Variants in NOTCH3 observed in about 807,000 individuals in gnomAD.
NOTCH3 encodes the protein neurogenic locus notch homolog protein 3.
A neutral mutation model predicts 213.3 loss-of-function variants in NOTCH3; 86 were observed. The ratio of observed to expected loss-of-function variants is 0.40; its 90% CI spans 0.34 to 0.48. The LOEUF (loss-of-function observed/expected upper bound fraction) is 0.48, where lower values mean the gene tolerates loss of function less well. NOTCH3 is among the 20% of genes least tolerant of loss of function. The pLI, the probability that NOTCH3 is intolerant of heterozygous loss-of-function variation, is 0.57. For missense variants in NOTCH3, 2,783 were observed against 3,272.6 expected (o/e 0.85, Z 3.65); for synonymous variants, 1,354 against 1,355.9 (o/e 1.00, Z 0.03).
Position 15,179,742 on chromosome 19 carries a change from C to T in NOTCH3, c.3328-246G>A, listed in dbSNP as rs558394287. The T allele has an allele frequency of 5.6e-5, 33 of 590,816 alleles. No homozygotes were observed. In the East Asian group the frequency reaches 8.4e-4, roughly 15 times the overall value. The allele number at this position is 590,816 out of a possible 1,614,324, so 36.6% of individuals were successfully genotyped here. On this transcript the variant is annotated intron_variant, in intron 20 of 32. Transcript: ENST00000263388. ...ATGAAAAATACAAAAATTAGCTGGG[C>T]GTGGTGGTGGGTGCCTGTACTCCCA... is the stretch of plus-strand genomic sequence containing the variant.
At chr19:15,195,412 G>T (rs1382616670) in intron 2 of NOTCH3, among the ~76,000 whole-genome samples, 1 of 152,068 alleles carries the variant, frequency 6.6e-6, no homozygotes, top group Non-Finnish European at 1.5e-5. Flanking sequence ...GGGGCTTAGA[G>T]AAGCCAGAGA....
chr19:15,195,278 G>C (rs140951459), intron 2 of NOTCH3, among the ~76,000 whole-genome samples: 2 of 152,146 alleles, frequency 1.3e-5, no homozygotes, highest in African/African-American at 2.4e-5. Flanking sequence ...CCTCATCTTG[G>C]GGGGGTGGTC....
chr19:15,196,756 G>A (rs1038817708), intron 2 of NOTCH3, among the ~76,000 whole-genome samples: 3 of 152,056 alleles, frequency 2.0e-5, no homozygotes, highest in African/African-American at 7.2e-5. Context: ...GTGCATACAG[G>A]AGTTATTATT....
At chr19:15,190,943 A>G (rs571875170) in intron 6 of NOTCH3, among the ~76,000 whole-genome samples, 2 of 152,224 alleles carry the variant, frequency 1.3e-5, no homozygotes, top group South Asian at 4.1e-4. Context: ...CTGGTCTCAA[A>G]GTCCTGGGCC....
chr19:15,170,141 C>A lies in NOTCH3; in HGVS notation c.5144G>T (p.Gly1715Val). 1 of 1,605,346 alleles carries A rather than the reference C, an allele frequency of 6.2e-7. No homozygotes were observed. Among genetic ancestry groups the A allele is most frequent in the East Asian group, 2.2e-5 (1 of 44,622 alleles). The change falls in exon 28 of 33, where the codon GGG becomes GTG. Residue 1715 changes from glycine to valine, a missense_variant. Gly to Val is a moderately radical substitution (Grantham distance 109, BLOSUM62 -3). Coordinates refer to ENST00000263388, the MANE Select transcript of NOTCH3 (RefSeq NM_000435.3). ...GTCCATCCAGTCTGTGGCCACCTCC[C>A]CCATCAGGCTCTCACCCTTGGCCAT... ...KNMAKGESLM[G>V]EVATDWMDTE...
chr19:15,191,478 T>C lies in NOTCH3; in HGVS notation c.982A>G (p.Thr328Ala). The C allele has an allele frequency of 1.2e-6, 2 of 1,612,046 alleles. No homozygotes were observed. The highest frequency in any genetic ancestry group is 1.1e-5 in the South Asian group (1 of 91,048). Residue 328 changes from threonine to alanine, a missense_variant, in exon 6 of 33, where the codon ACC becomes GCC. Thr to Ala is a moderately conservative substitution (Grantham distance 58). Coordinates refer to ENST00000263388, the MANE Select transcript of NOTCH3 (RefSeq NM_000435.3). ...CATAVCFHGA[T>A]CHDRVASFYC... ...AAAGAAGCCACGCGGTCATGGCAGG[T>C]GGCCCCATGGAAGCACACGGCTGTG...
chr19:15,160,568 T>A lies in NOTCH3; in HGVS notation c.*94A>T. 1 of 1,034,776 alleles carries A rather than the reference T, an allele frequency of 9.7e-7. No individual in the cohort carries two copies. The highest frequency in any genetic ancestry group is 1.5e-6 in the Non-Finnish European group (1 of 653,330). 64.1% of individuals were successfully genotyped at this position (1,034,776 alleles called of 1,614,324 possible). A position where few individuals can be genotyped will look rare whatever the true frequency, so the allele number is the denominator to read the frequency against. On this transcript the variant is annotated 3_prime_UTR_variant, in exon 33 of 33. Transcript: ENST00000263388. ...GAGGGTTGGTGGAAAGAGAAGAGGA[T>A]GAAAAAGACTAAAAGGAAGGAAGAG...
At chr19:15,177,259 A>AT (rs1293611499) in intron 24 of NOTCH3, among the ~76,000 whole-genome samples, 4 of 152,006 alleles carry the variant, frequency 2.6e-5, no homozygotes, top group African/African-American at 9.7e-5. Flanking sequence ...GGGAAAAAAA[A>AT]AAAAAAGTAA....
chr19:15,199,069 T>G (rs1434563606), intron 1 of NOTCH3, among the ~76,000 whole-genome samples: 1 of 152,116 alleles, frequency 6.6e-6, no homozygotes, highest in Non-Finnish European at 1.5e-5. Context: ...GACCTGTGGG[T>G]GTTCGTGAAC....
chr19:15,178,767 A>T, intron 23 of NOTCH3, 56 bp downstream of exon 23: 1 of 1,233,824 alleles, frequency 8.1e-7, no homozygotes, highest in Non-Finnish European at 1.2e-6. Flanking sequence ...CCACGCCCCT[A>T]CTACTCCAGA....
At chr19:15,169,901 C>T (rs888117560) in intron 28 of NOTCH3, among the ~76,000 whole-genome samples, 185 bp downstream of exon 28, 10 of 152,254 alleles carry the variant, frequency 6.6e-5, no homozygotes, top group African/African-American at 2.4e-4. Flanking sequence ...AAATCTTCCT[C>T]CCTCTGAGGT....
At position 15,180,160 on chromosome 19, in the gene NOTCH3, T is replaced by G. The variant is rs1237617835; in HGVS notation, c.3239A>C (p.His1080Pro). ...GCAGGGGTCCACCTCCTGCTCACAG[T>G]GGCTACCAGTACGGCCCTCTGGGCA... ...CVCPEGRTGS[H>P]CEQEVDPCLA... The change falls in exon 20 of 33, where the codon CAC (histidine) becomes CCC (proline). Residue 1080 changes from histidine to proline, a missense_variant. His to Pro is a moderately conservative substitution (Grantham distance 77). This residue lies in a region of NOTCH3 where 861 missense variants were observed against 909.1 expected (regional missense o/e 0.95). Coordinates refer to ENST00000263388, the MANE Select transcript of NOTCH3 (RefSeq NM_000435.3). 1.9e-6 allele frequency: 3 copies of G among 1,613,528 alleles called. No homozygotes were observed. Among genetic ancestry groups the G allele is most frequent in the Non-Finnish European group, 8.5e-7 (1 of 1,179,934 alleles).
chr19:15,171,089 C>A (rs1270256057), intron 25 of NOTCH3, among the ~76,000 whole-genome samples: 1 of 152,206 alleles, frequency 6.6e-6, no homozygotes, highest in Non-Finnish European at 1.5e-5. Flanking sequence ...TGCAGTGGTG[C>A]GATCTCGGCT....
chr19:15,163,813 AGAGT>A (rs2046663890), intron 31 of NOTCH3, among the ~76,000 whole-genome samples: 1 of 152,208 alleles, frequency 6.6e-6, no homozygotes, highest in South Asian at 2.1e-4. Flanking sequence ...CCTGAGTGAC[AGAGT>A]GATACCCTAT....
At position 15,182,619 on chromosome 19, in the gene NOTCH3, T is replaced by G. The variant is rs1232419182; in HGVS notation, c.2567-818A>C. On this transcript the variant is annotated intron_variant, in intron 16 of 32. Transcript: ENST00000263388. ...AAATAGATTATATACATTTATTTAT[T>G]TATTTATTTATTTACTTTTATTTTT... Among the ~76,000 whole-genome samples, 17 of 151,978 alleles carry G rather than the reference T, an allele frequency of 1.1e-4. 1 individual carries two copies. The highest frequency in any genetic ancestry group is 1.5e-5 in the Non-Finnish European group (1 of 67,978).
chr19:15,160,695 C>A lies in NOTCH3; in HGVS notation c.6933G>T (p.Pro2311=), dbSNP rs367934317. 6.2e-7 allele frequency: 1 copy of A among 1,614,152 alleles called. No homozygotes were observed. Among genetic ancestry groups the A allele is most frequent in the Non-Finnish European group, 8.5e-7 (1 of 1,180,018 alleles). The part of the protein sequence containing the change: ...AQAQTQLGPQ[P]EVTPKRQVLA ...ACACTTGCCTCTTGGGGGTAACTTC[C>A]GGCTGGGGCCCCAGCTGGGTCTGGG... is the stretch of plus-strand genomic sequence containing the variant. Residue 2311 remains proline (P), a synonymous_variant, in exon 33 of 33, where the codon CCG becomes CCT. Coordinates refer to ENST00000263388, the MANE Select transcript of NOTCH3 (RefSeq NM_000435.3).
rs1159545944 is a variant in NOTCH3 at position 15,192,079 on chromosome 19, G to A, written c.560C>T (p.Ala187Val). 1.9e-6 allele frequency: 3 copies of A among 1,613,262 alleles called. No individual in the cohort carries two copies. In the South Asian group the frequency reaches 3.3e-5, roughly 18 times the overall value. Residue 187 changes from alanine to valine, a missense_variant, in exon 4 of 33, where the codon GCT (alanine) becomes GTT (valine). Transcript: ENST00000263388. ...CTCACATAGTGGCCCTGTGTAGCCA[G>A]CTGGACACTGGCAGCGGAAGGAGCC... ...TPGSFRCQCP[A>V]GYTGPLCENP...
chr19:15,167,646 C>T (rs930491033), intron 28 of NOTCH3, among the ~76,000 whole-genome samples: 2 of 152,036 alleles, frequency 1.3e-5, no homozygotes, highest in Non-Finnish European at 2.9e-5. Flanking sequence ...CCCCGCCTCC[C>T]GGGTTCAAGT....
In NOTCH3 at chr19:15,161,077, G is replaced by C; in HGVS notation, c.6551C>G (p.Ser2184Trp). 1 of 1,538,590 alleles carries C rather than the reference G, an allele frequency of 6.5e-7. No homozygotes were observed. ...RLPPPAPPGP[S>W]FLLPLAPGPQ... ...TCCCGGCGCCAGTGGCAGCAGGAACGAGGGGCCTGGAGGGGCAGGTGGGGG... is the reference window on the plus strand; with the variant it reads ...TCCCGGCGCCAGTGGCAGCAGGAACCAGGGGCCTGGAGGGGCAGGTGGGGG... Residue 2184 changes from serine to tryptophan, a missense_variant, in exon 33 of 33, where the codon TCG becomes TGG. This residue lies in a region of NOTCH3 where 441 missense variants were observed against 432.1 expected (regional missense o/e 1.02). Coordinates refer to ENST00000263388, the MANE Select transcript of NOTCH3 (RefSeq NM_000435.3).
Sources: allele counts gnomAD v4.1 joint callset (sites outside exome capture counted in the v4.1 genomes callset), GRCh38; gene constraint gnomAD v4.1.1; regional missense constraint gnomAD v4.1.1; transcripts MANE v1.5; gene names NCBI Gene and HGNC (gene_info 2026-07-23, HGNC 2026-07-21).